Variants in RNFT2 observed in about 807,000 individuals in gnomAD.
The protein encoded by RNFT2 is E3 ubiquitin-protein ligase RNFT2.
In RNFT2, 36 loss-of-function variants were observed where a neutral mutation model predicts 53.0. The ratio of observed to expected loss-of-function variants is 0.68; its 90% confidence interval spans 0.52 to 0.90. RNFT2 has a LOEUF of 0.90. Ranked by LOEUF, RNFT2 falls within the 40% of genes least tolerant of loss-of-function variation. The pLI, the probability that RNFT2 is intolerant of heterozygous loss-of-function variation, is 0.00. For synonymous variants in RNFT2, 260 were observed against 253.2 expected (o/e 1.03, Z -0.26); for missense variants, 514 against 585.6 (o/e 0.88, Z 1.26).
In RNFT2 at chr12:116,750,269, T is replaced by A; in HGVS notation, c.512T>A (p.Leu171Gln). ...CWLQKGLPFI[L>Q]ILLAKLCFQH... is the part of the protein sequence containing the mutation. Reference sequence around the variant, plus strand: ...CTCCAGAAAGGACTCCCCTTCATCCTGATCCTCCTGGCCAAACTGTGCTTT... The same window carrying A: ...CTCCAGAAAGGACTCCCCTTCATCCAGATCCTCCTGGCCAAACTGTGCTTT... The change falls in exon 4 of 11, where the codon CTG becomes CAG. Residue 171 changes from leucine (L) to glutamine (Q), a missense_variant. By Grantham distance (113) the Leu-to-Gln change is moderately radical (BLOSUM62 -2). This residue lies in a region of RNFT2 where 237 missense variants were observed against 235.1 expected (regional missense o/e 1.01). Transcript: ENST00000257575. 6.2e-7 allele frequency: 1 copy of A among 1,606,030 alleles called. No homozygotes were observed.
At chr12:116,837,567 G>A (rs1327480116) in intron 10 of RNFT2, among the ~76,000 whole-genome samples, 1 of 151,960 alleles carries the variant, frequency 6.6e-6, no homozygotes, top group African/African-American at 2.4e-5. Flanking sequence ...GAAGGGGGAG[G>A]TTGTTTTTCA....
At chr12:116,767,106 G>A (rs1872952134) in intron 6 of RNFT2, among the ~76,000 whole-genome samples, 192 bp downstream of exon 6, 1 of 152,106 alleles carries the variant, frequency 6.6e-6, no homozygotes, top group Non-Finnish European at 1.5e-5. Context: ...AAGCCACATA[G>A]GTAAATTAAC....
At chr12:116,847,207 C>T (rs1052445875) in intron 10 of RNFT2, among the ~76,000 whole-genome samples, 1 of 152,042 alleles carries the variant, frequency 6.6e-6, no homozygotes, top group African/African-American at 2.4e-5. Flanking sequence ...TGTGCCTGGC[C>T]ACCCAGGAAA....
At chr12:116,752,852 T>C (rs1169104708) in intron 4 of RNFT2, among the ~76,000 whole-genome samples, 1 of 152,156 alleles carries the variant, frequency 6.6e-6, no homozygotes, top group Admixed American at 6.5e-5. Flanking sequence ...CACTCCAGCC[T>C]GGGCGACAGA....
chr12:116,810,829 G>A (rs1875336550), intron 7 of RNFT2, among the ~76,000 whole-genome samples: 1 of 152,170 alleles, frequency 6.6e-6, no homozygotes, highest in African/African-American at 2.4e-5. Context: ...TTGGGGTAGG[G>A]GGGACTACCC....
At chr12:116,821,802 CTTTTTTTTTTTTTTTTT>C (rs149043452) in intron 7 of RNFT2, among the ~76,000 whole-genome samples, 6 of 43,934 alleles carry the variant, frequency 1.4e-4, no homozygotes, top group East Asian at 1.8e-3. Flanking sequence ...CTACTTGTTT[CTTTTTTTTTTTTTTTTT>C]TTTTTTTTTT....
intron 7 of RNFT2, among the ~76,000 whole-genome samples, chr12:116,805,419 G>A (rs1874997859): frequency 6.6e-6 from 1 of 152,152 alleles, no homozygotes; most frequent in Non-Finnish European, 1.5e-5. Context: ...GAAATCTGCA[G>A]AACAGGCCAG....
intron 3 of RNFT2, among the ~76,000 whole-genome samples, chr12:116,746,943 G>A (rs1871925078): frequency 6.6e-6 from 1 of 152,162 alleles, no homozygotes; most frequent in Non-Finnish European, 1.5e-5. Flanking sequence ...GAAGTCCCTG[G>A]TATAAAATGG....
At position 116,771,175 on chromosome 12, in the gene RNFT2, G is replaced by C. The variant is rs370436434; in HGVS notation, c.728+4261G>C. 2.2e-4 allele frequency among the ~76,000 whole-genome samples: 34 copies of C among 152,060 alleles called. 1 individual carries two copies. The highest frequency in any genetic ancestry group is 9.7e-4 in the East Asian group (5 of 5,166). On this transcript the variant is annotated intron_variant, in intron 6 of 10. Transcript: ENST00000257575. ...TGGTCCTCTAGACGTTAAACATGTG[G>C]ATAGTCCAGGTGCGTTGGCTCACGC...
intron 10 of RNFT2, among the ~76,000 whole-genome samples, chr12:116,837,404 G>A (rs1011601534): frequency 2.6e-5 from 4 of 152,056 alleles, no homozygotes; most frequent in African/African-American, 9.7e-5. Context: ...GGCAGAGAGC[G>A]ATGAGTTCCA....
At chr12:116,793,510 T>C (rs1874350555) in intron 7 of RNFT2, among the ~76,000 whole-genome samples, 1 of 152,096 alleles carries the variant, frequency 6.6e-6, no homozygotes, top group East Asian at 1.9e-4. Flanking sequence ...ATATAGCTCA[T>C]ATGTGTTGCA....
At position 116,850,998 on chromosome 12, in the gene RNFT2, T is replaced by G. The variant is rs2137232492; in HGVS notation, c.*1550T>G. On this transcript the variant is annotated 3_prime_UTR_variant, in exon 11 of 11. Transcript: ENST00000257575. The stretch of plus-strand genomic sequence containing the variant: ...ACCTGTAATGACTTAAGGTCCCAAA[T>G]ACTTCATGCGCAGCAGGCAAAGCAT... 1 of 152,234 alleles carries G rather than the reference T, an allele frequency of 6.6e-6. No homozygotes were observed. Among genetic ancestry groups the G allele is most frequent in the Middle Eastern group, 3.4e-3 (1 of 294 alleles). The allele number at this position is 152,234 out of a possible 1,614,324, so 9.4% of individuals were successfully genotyped here.
Position 116,836,249 on chromosome 12 carries a change from C to A in RNFT2, c.1167C>A (p.Ala389=). Reference sequence around the variant, plus strand: ...GTGACATCTGCGCCATCTGTCAGGCCGAGTTCCGAGAGCCTCTGATTCTCC... The same window carrying A: ...GTGACATCTGCGCCATCTGTCAGGCAGAGTTCCGAGAGCCTCTGATTCTCC... ...EAGDICAICQ[A]EFREPLILLC... The change falls in exon 10 of 11, where the codon GCC becomes GCA. Residue 389 remains alanine (A), a synonymous_variant. Transcript: ENST00000257575. The A allele has an allele frequency of 6.3e-7, 1 of 1,585,492 alleles. No individual in the cohort carries two copies. Among genetic ancestry groups the A allele is most frequent in the South Asian group, 1.2e-5 (1 of 86,644 alleles).
intron 6 of RNFT2, among the ~76,000 whole-genome samples, chr12:116,775,092 C>T (rs931847522): frequency 1.3e-5 from 2 of 151,908 alleles, no homozygotes; most frequent in Non-Finnish European, 2.9e-5. Context: ...GAAACCCTGT[C>T]TCTACTAAAA....
chr12:116,848,981 G>A (rs1027849545), intron 10 of RNFT2, among the ~76,000 whole-genome samples: 9 of 152,016 alleles, frequency 5.9e-5, no homozygotes, highest in Non-Finnish European at 1.3e-4. Context: ...ACCACGCCCG[G>A]CTAATTTTTG....
intron 3 of RNFT2, among the ~76,000 whole-genome samples, chr12:116,746,660 T>G (rs1871910128): frequency 6.6e-6 from 1 of 152,100 alleles, no homozygotes; most frequent in Non-Finnish European, 1.5e-5. Flanking sequence ...AAGGGGCACA[T>G]GATAAGATTG....
intron 5 of RNFT2, among the ~76,000 whole-genome samples, chr12:116,761,065 C>T (rs887397839): frequency 6.6e-6 from 1 of 152,136 alleles, no homozygotes; most frequent in Non-Finnish European, 1.5e-5. Flanking sequence ...TTCTTTCTCC[C>T]CTCCAACAGC....
chr12:116,781,377 A>G (rs956320159), intron 7 of RNFT2, among the ~76,000 whole-genome samples: 1 of 152,170 alleles, frequency 6.6e-6, no homozygotes, highest in Admixed American at 6.5e-5. Flanking sequence ...AGGCAGAGGT[A>G]TTTATTCCCC....
rs75155644 is a variant in RNFT2, at chr12:116,851,389, A to T, written c.*1941A>T. ...CAGAGCCCGCACTCTTAACCTCCGC[A>T]CTGCTCTGCCCCTCAGACATTCCAG... On this transcript the variant is annotated 3_prime_UTR_variant, in exon 11 of 11. Coordinates refer to ENST00000257575, the MANE Select transcript of RNFT2 (RefSeq NM_001382266.1). The T allele has an allele frequency of 2.1e-3, 605 of 293,646 alleles. 11 individuals are homozygous for T. In the East Asian group the frequency reaches 0.043, roughly 21 times the overall value. 18.2% of individuals were successfully genotyped at this position (293,646 alleles called of 1,614,324 possible). A position where few individuals can be genotyped will look rare whatever the true frequency, so the allele number is the denominator to read the frequency against.
Sources: gnomAD v4.1 joint callset for allele counts (sites outside exome capture counted in the v4.1 genomes callset) on GRCh38, gnomAD v4.1.1 for gene constraint, gnomAD v4.1.1 regional missense constraint, MANE v1.5 for transcripts, NCBI Gene and HGNC (gene_info 2026-07-23, HGNC 2026-07-21) for gene names.